CA10: variants seen among roughly 807,000 people sequenced by gnomAD.
CA10 encodes carbonic anhydrase 10 (inactive), also known as carbonic anhydrase-related protein 10.
A neutral mutation model predicts 44.2 loss-of-function variants in CA10; 14 were observed. That is an observed-to-expected ratio of 0.32 (90% CI 0.21 to 0.50). The LOEUF is 0.50. CA10 is among the 20% of genes least tolerant of loss of function. CA10 has a pLI of 0.99. For missense variants in CA10, 350 were observed against 409.7 expected, an observed-to-expected ratio of 0.85 and a Z score of 1.26; for synonymous variants, 159 against 141.6, an observed-to-expected ratio of 1.12 and a Z score of -0.87.
At chr17:52,035,340 T>C (rs1702850993) in intron 2 of CA10, among the ~76,000 whole-genome samples, 1 of 139,684 alleles carries the variant, frequency 7.2e-6, no homozygotes, top group South Asian at 2.6e-4. Context: ...CAAGGGAAGA[T>C]TACCTACCCT....
intron 3 of CA10, among the ~76,000 whole-genome samples, chr17:51,894,224 G>C (rs976035677): frequency 1.3e-5 from 2 of 152,066 alleles, no homozygotes; most frequent in Non-Finnish European, 2.9e-5. Context: ...AGATCAGGGG[G>C]CAGAGAAAGG....
chr17:51,983,457 T>C (rs1425831249), intron 2 of CA10, among the ~76,000 whole-genome samples: 1 of 151,814 alleles, frequency 6.6e-6, no homozygotes, highest in African/African-American at 2.4e-5. Context: ...GTACCTAGAG[T>C]ACCTCTTCTG....
At chr17:51,762,533 T>C (rs886076) in intron 3 of CA10, 52,891 of 152,134 alleles carry the variant, frequency 0.35, 10,540 homozygotes, top group East Asian at 0.51. Context: ...ATGAGTCCAG[T>C]GTTCCCAGAG....
intron 2 of CA10, among the ~76,000 whole-genome samples, chr17:52,057,061 T>C (rs1445218833): frequency 6.6e-6 from 1 of 152,148 alleles, no homozygotes; most frequent in Non-Finnish European, 1.5e-5. Context: ...TGTAGCTGAA[T>C]GCCTCTGTGT....
chr17:52,148,606 C>T (rs969548781), intron 1 of CA10, among the ~76,000 whole-genome samples: 2 of 152,106 alleles, frequency 1.3e-5, no homozygotes, highest in African/African-American at 4.8e-5. Context: ...TCTTCTTCAT[C>T]TCCCCTCCCT....
intron 2 of CA10, among the ~76,000 whole-genome samples, chr17:51,973,056 A>G (rs1984337983): frequency 1.3e-5 from 2 of 152,206 alleles, no homozygotes; most frequent in Non-Finnish European, 2.9e-5. Context: ...CTAATTTAGT[A>G]TTAAATACTA....
At chr17:52,052,222 A>AC (rs574940466) in intron 2 of CA10, among the ~76,000 whole-genome samples, 3 of 149,898 alleles carry the variant, frequency 2.0e-5, no homozygotes, top group African/African-American at 7.4e-5. Flanking sequence ...CTGAACAACA[A>AC]CCCCCCATGA....
At chr17:51,827,140 G>A (rs927705963) in intron 3 of CA10, among the ~76,000 whole-genome samples, 1 of 152,066 alleles carries the variant, frequency 6.6e-6, no homozygotes, top group African/African-American at 2.4e-5. Context: ...TACCAGTTTT[G>A]GCAAAGTGAA....
intron 3 of CA10, 106 bp downstream of exon 3, chr17:51,930,884 G>A (rs1982629790): frequency 3.0e-6 from 4 of 1,321,102 alleles, no homozygotes; most frequent in South Asian, 1.4e-5. Context: ...GGTATTCCTA[G>A]GTGGGAGGAC....
intron 2 of CA10, among the ~76,000 whole-genome samples, chr17:51,940,565 G>C (rs936770380): frequency 1.3e-5 from 2 of 151,958 alleles, no homozygotes; most frequent in Non-Finnish European, 2.9e-5. Context: ...AGCCCTCAAG[G>C]GGAAATTTGC....
At chr17:51,818,918 T>A (rs1355297680) in intron 3 of CA10, among the ~76,000 whole-genome samples, 1 of 152,176 alleles carries the variant, frequency 6.6e-6, no homozygotes, top group Non-Finnish European at 1.5e-5. Context: ...GTAGTAACAC[T>A]ATAAATGCAG....
intron 2 of CA10, among the ~76,000 whole-genome samples, chr17:51,955,988 A>G (rs1337287724): frequency 4.6e-5 from 7 of 152,168 alleles, no homozygotes. Flanking sequence ...AGAACTTAAA[A>G]TAACAAAAAA....
intron 1 of CA10, among the ~76,000 whole-genome samples, chr17:52,081,671 G>A (rs1987982814): frequency 6.6e-6 from 1 of 151,832 alleles, no homozygotes; most frequent in Admixed American, 6.6e-5. Context: ...GTAGTGGTGG[G>A]CGCCTGTAGT....
intron 1 of CA10, among the ~76,000 whole-genome samples, chr17:52,113,956 C>T (rs74606120): frequency 4.9e-4 from 74 of 152,254 alleles, no homozygotes; most frequent in African/African-American, 1.8e-3. Flanking sequence ...AGAAGGCATG[C>T]TCCTGTAGCA....
At chr17:51,747,941 A>C in intron 3 of CA10, 123 bp from the exon 4 acceptor site, 1 of 700,776 alleles carries the variant, frequency 1.4e-6, no homozygotes, top group Non-Finnish European at 2.4e-6. Flanking sequence ...CTAAATCCAC[A>C]TGTGGAGTAG....
intron 6 of CA10, among the ~76,000 whole-genome samples, chr17:51,642,567 C>G (rs1256308501): frequency 6.6e-6 from 1 of 152,194 alleles, no homozygotes; most frequent in East Asian, 1.9e-4. Context: ...TCTGAAAGCT[C>G]TCCTCCAGAT....
intron 3 of CA10, among the ~76,000 whole-genome samples, chr17:51,870,315 C>G (rs146180502): frequency 1.3e-5 from 2 of 152,220 alleles, no homozygotes; most frequent in East Asian, 3.8e-4. Context: ...TTTTGCCCAT[C>G]ATGAAAGAGC....
intron 3 of CA10, among the ~76,000 whole-genome samples, chr17:51,819,266 C>G (rs1186410903): frequency 6.6e-6 from 1 of 152,154 alleles, no homozygotes; most frequent in African/African-American, 2.4e-5. Flanking sequence ...TGAGTTAGAT[C>G]TCTTGTGGAT....
chr17:51,695,433 A>G, intron 4 of CA10, among the ~76,000 whole-genome samples: 1 of 151,970 alleles, frequency 6.6e-6, no homozygotes, highest in East Asian at 1.9e-4. Flanking sequence ...GTGTGTGGCT[A>G]TTGTAAGAGG....
Sources: allele counts gnomAD v4.1 joint callset (sites outside exome capture counted in the v4.1 genomes callset), GRCh38; gene constraint gnomAD v4.1.1; transcripts MANE v1.5; gene names NCBI Gene and HGNC (gene_info 2026-07-23, HGNC 2026-07-21).